The following CPB2 variants were observed in gnomAD, a reference collection of about 807,000 sequenced individuals.
The protein encoded by CPB2 is carboxypeptidase B2, also known as carboxypeptidase B-like protein.
CPB2 carries 54 observed loss-of-function variants against 57.0 expected under a neutral mutation model. The observed-to-expected ratio is 0.95, with a 90% confidence interval of 0.76 to 1.19. CPB2 has a LOEUF of 1.19. Ranked by LOEUF, CPB2 falls within the 50% of genes most tolerant of loss-of-function variation. The probability of loss-of-function intolerance (pLI) is 0.00; values close to 1 mark genes in which losing one functional copy is unlikely to be tolerated. For missense variants in CPB2, 426 were observed against 512.0 expected (o/e 0.83, Z 1.62); for synonymous variants, 189 against 178.1 (o/e 1.06, Z -0.49).
intron 8 of CPB2, among the ~76,000 whole-genome samples, chr13:46,061,424 A>G (rs569120295): frequency 3.3e-5 from 5 of 152,344 alleles, no homozygotes; most frequent in African/African-American, 4.8e-5. Flanking sequence ...CTAAGCCCCA[A>G]TGTGACTGTA....
Position 46,087,882 on chromosome 13 carries a change from T to C in CPB2, c.75-62A>G, listed in dbSNP as rs114562702. 12,861 of 1,123,660 alleles carry C rather than the reference T, an allele frequency of 0.011. 637 individuals are homozygous for C. In the South Asian group the frequency reaches 0.11, roughly 10 times the overall value. The allele number at this position is 1,123,660 out of a possible 1,614,324, so 69.6% of individuals were successfully genotyped here. On this transcript the variant is annotated intron_variant, in intron 1 of 10. Coordinates refer to ENST00000181383, the MANE Select transcript of CPB2 (RefSeq NM_001872.5). ...TAAAGAGTAAAGATGGAATATATTA[T>C]ACTGTGAGGAGCTTTTAGGTAATTG...
intron 9 of CPB2, 130 bp downstream of exon 9, chr13:46,058,049 T>C (rs2044720507): frequency 2.8e-6 from 2 of 717,920 alleles, no homozygotes; most frequent in Admixed American, 2.5e-5. Flanking sequence ...CTCAACAGGA[T>C]CACACCATGA....
intron 8 of CPB2, among the ~76,000 whole-genome samples, chr13:46,061,077 A>G (rs2044765988): frequency 6.6e-6 from 1 of 152,108 alleles, no homozygotes; most frequent in Non-Finnish European, 1.5e-5. Context: ...ATAAGTAAAA[A>G]TCTCTCTTTG....
intron 10 of CPB2, among the ~76,000 whole-genome samples, chr13:46,054,976 C>T (rs1252508538): frequency 6.6e-6 from 1 of 151,710 alleles, no homozygotes; most frequent in Non-Finnish European, 1.5e-5. Context: ...GTCTCGAACT[C>T]CTGACCTCAA....
At chr13:46,084,365 T>TAAACA in intron 2 of CPB2, 22 bp from the exon 3 acceptor site, 1 of 1,612,588 alleles carries the variant, frequency 6.2e-7, no homozygotes, top group East Asian at 2.2e-5. Flanking sequence ...GGGGCAAAAT[T>TAAACA]GATAAAATTA....
chr13:46,085,154 A>T lies in CPB2; in HGVS notation c.151-811T>A, dbSNP rs546575978. Among the ~76,000 whole-genome samples the T allele has an allele frequency of 2.6e-5, 4 of 152,220 alleles. No individual in the cohort carries two copies. In the East Asian group the frequency reaches 7.7e-4, roughly 29 times the overall value. ...CACGAGCCACTACACGTACTTTTTC[A>T]AAGCACTTTCACACTCATTTCCTTT... is the stretch of plus-strand genomic sequence containing the variant. On this transcript the variant is annotated intron_variant, in intron 2 of 10. Coordinates refer to ENST00000181383, the MANE Select transcript of CPB2 (RefSeq NM_001872.5).
chr13:46,058,466 C>G (rs2044728053), intron 8 of CPB2, 85 bp from the exon 9 acceptor site: 1 of 1,140,726 alleles, frequency 8.8e-7, no homozygotes, highest in Non-Finnish European at 1.3e-6. Context: ...TATTCTCCTA[C>G]CTATGTTGCA....
intron 1 of CPB2, among the ~76,000 whole-genome samples, chr13:46,092,921 GT>G (rs940050500): frequency 3.9e-5 from 6 of 152,060 alleles, no homozygotes; most frequent in Admixed American, 3.9e-4. Flanking sequence ...TTGTTTGTTT[GT>G]TTGTTTTTGA....
chr13:46,079,804 CA>C (rs2045084198), intron 4 of CPB2, among the ~76,000 whole-genome samples: 1 of 152,132 alleles, frequency 6.6e-6, no homozygotes, highest in African/African-American at 2.4e-5. Context: ...AAAACTGGAG[CA>C]CCATTTATCC....
At chr13:46,080,938 C>T (rs1010292728) in intron 4 of CPB2, among the ~76,000 whole-genome samples, 1 of 144,778 alleles carries the variant, frequency 6.9e-6, no homozygotes, top group Non-Finnish European at 1.5e-5. Context: ...TGCTATCGCA[C>T]TCCAGCCTGG....
At chr13:46,085,008 G>A (rs1384150245) in intron 2 of CPB2, among the ~76,000 whole-genome samples, 7 of 151,658 alleles carry the variant, frequency 4.6e-5, no homozygotes, top group Non-Finnish European at 8.8e-5. Context: ...CCGCCACCAC[G>A]CCCGGCTAAT....
intron 8 of CPB2, among the ~76,000 whole-genome samples, chr13:46,064,077 G>A (rs890288339): frequency 6.6e-6 from 1 of 151,936 alleles, no homozygotes; most frequent in Admixed American, 6.6e-5. Context: ...GGCCAACATG[G>A]TGAAATCCCA....
chr13:46,086,364 A>G (rs1431067560), intron 2 of CPB2, among the ~76,000 whole-genome samples: 1 of 152,138 alleles, frequency 6.6e-6, no homozygotes, highest in Non-Finnish European at 1.5e-5. Flanking sequence ...GAGGAGCTTT[A>G]CTGAGTAATA....
At position 46,058,354 on chromosome 13, in the gene CPB2, G is replaced by A. The variant is rs932147911; in HGVS notation, c.824C>T (p.Ser275Leu). The A allele has an allele frequency of 7.4e-6, 12 of 1,613,926 alleles. No homozygotes were observed. Among genetic ancestry groups the A allele is most frequent in the South Asian group, 2.2e-5 (2 of 91,066 alleles). Residue 275 changes from serine (S) to leucine (L), a missense_variant, in exon 9 of 11, where the codon TCG becomes TTG. Ser to Leu is a moderately radical substitution (Grantham distance 145, BLOSUM62 -2). Transcript: ENST00000181383. ...CEEGASSSSC[S>L]ETYCGLYPES... ...AGGATAAAGTCCACAGTAGGTTTCCGAGCATGAGGAACTGGATGCACCTTC... is the reference window on the plus strand; with the variant it reads ...AGGATAAAGTCCACAGTAGGTTTCCAAGCATGAGGAACTGGATGCACCTTC...
chr13:46,088,920 A>G (rs1443846932), intron 1 of CPB2, among the ~76,000 whole-genome samples: 1 of 149,348 alleles, frequency 6.7e-6, no homozygotes, highest in African/African-American at 2.5e-5. Flanking sequence ...CTTGTCAGTT[A>G]TATGTATTGC....
intron 4 of CPB2, among the ~76,000 whole-genome samples, chr13:46,081,157 T>G (rs2045110320): frequency 6.6e-6 from 1 of 152,104 alleles, no homozygotes; most frequent in Admixed American, 6.6e-5. Context: ...TGTGGTATTT[T>G]ATTACCACAG....
At chr13:46,068,617 C>T (rs190170301) in intron 6 of CPB2, among the ~76,000 whole-genome samples, 2 of 152,188 alleles carry the variant, frequency 1.3e-5, no homozygotes, top group Admixed American at 6.5e-5. Flanking sequence ...TAGTTATACA[C>T]GTGCCACGGT....
At chr13:46,082,706 G>A (rs1443351000) in intron 3 of CPB2, among the ~76,000 whole-genome samples, 157 bp from the exon 4 acceptor site, 1 of 152,118 alleles carries the variant, frequency 6.6e-6, no homozygotes, top group Non-Finnish European at 1.5e-5. Context: ...CTCGCATTGT[G>A]GTAAACTGGT....
Position 46,058,319 on chromosome 13 carries a change from G to A in CPB2, c.859C>T (p.Pro287Ser). 6.2e-7 allele frequency: 1 copy of A among 1,614,052 alleles called. No individual in the cohort carries two copies. The highest frequency in any genetic ancestry group is 1.1e-5 in the South Asian group (1 of 91,084). Residue 287 changes from proline (P) to serine (S), a missense_variant, in exon 9 of 11, where the codon CCA (proline) becomes TCA (serine). Coordinates refer to ENST00000181383, the MANE Select transcript of CPB2 (RefSeq NM_001872.5). ...TYCGLYPESE[P>S]EVKAVASFLR... ...AAACTAGCCACTGCCTTCACTTCTG[G>A]TTCTGACTCAGGATAAAGTCCACAG... is the stretch of plus-strand genomic sequence containing the variant.
Sources: allele counts gnomAD v4.1 joint callset (sites outside exome capture counted in the v4.1 genomes callset), GRCh38; gene constraint gnomAD v4.1.1; transcripts MANE v1.5; gene names NCBI Gene and HGNC (gene_info 2026-07-23, HGNC 2026-07-21).